DNAH9: variants seen among roughly 807,000 people sequenced by gnomAD.
DNAH9 encodes the protein DNAH9 variant protein.
Under a neutral mutation model 471.6 loss-of-function variants are expected in DNAH9, and 345 were observed. The ratio of observed to expected loss-of-function variants is 0.73; its 90% CI spans 0.67 to 0.80. The LOEUF is 0.80. DNAH9 is among the 30% of genes least tolerant of loss of function. The pLI is 0.00. For missense variants in DNAH9, 5,407 were observed against 5,609.2 expected (o/e 0.96, Z 1.15); for synonymous variants, 2,093 against 2,123.6 (o/e 0.99, Z 0.40).
At chr17:11,609,317 C>G (rs1411901740) in intron 2 of DNAH9, among the ~76,000 whole-genome samples, 2 of 152,154 alleles carry the variant, frequency 1.3e-5, no homozygotes, top group Non-Finnish European at 2.9e-5. Flanking sequence ...AATTGGAAAA[C>G]TTATTGCGGT....
At chr17:11,832,846 T>C (rs1970722526) in intron 48 of DNAH9, among the ~76,000 whole-genome samples, 1 of 152,212 alleles carries the variant, frequency 6.6e-6, no homozygotes, top group Admixed American at 6.5e-5. Context: ...GTAAAGTTTA[T>C]GGGCCGTATT....
intron 67 of DNAH9, among the ~76,000 whole-genome samples, chr17:11,948,764 C>T (rs112722488): frequency 2.4e-4 from 36 of 152,318 alleles, no homozygotes; most frequent in African/African-American, 7.9e-4. Context: ...CTTCCCATGT[C>T]CTCAGCTCCC....
rs541910389 is a variant in DNAH9 at position 11,883,895 on chromosome 17, A to G, written c.10971+145A>G. On this transcript the variant is annotated intron_variant, in intron 56 of 68. Transcript: ENST00000262442. ...CTGTCTTAGCAAGGTTCTTCTAGAA[A>G]GTCTACCTAGGCAGGACTCCTGAAG... The G allele has an allele frequency of 2.2e-5, 20 of 929,352 alleles. No individual in the cohort carries two copies. In the South Asian group the frequency reaches 3.4e-4, roughly 16 times the overall value. The allele number at this position is 929,352 out of a possible 1,614,324, so 57.6% of individuals were successfully genotyped here.
At chr17:11,678,695 T>C (rs187810117) in intron 17 of DNAH9, among the ~76,000 whole-genome samples, 1 of 152,202 alleles carries the variant, frequency 6.6e-6, no homozygotes, top group Non-Finnish European at 1.5e-5. Context: ...TGTAGTTTCA[T>C]AGTGAAGTGT....
At chr17:11,677,769 C>A (rs2074070872) in intron 17 of DNAH9, among the ~76,000 whole-genome samples, 1 of 151,578 alleles carries the variant, frequency 6.6e-6, no homozygotes, top group South Asian at 2.1e-4. Flanking sequence ...TTCCTTATTC[C>A]ATTTTTTCCT....
chr17:11,719,025 C>T (rs2075010618), intron 26 of DNAH9, among the ~76,000 whole-genome samples: 2 of 152,024 alleles, frequency 1.3e-5, no homozygotes, highest in Admixed American at 1.3e-4. Context: ...ATGAACGGAG[C>T]TCTATATGGC....
intron 1 of DNAH9, among the ~76,000 whole-genome samples, chr17:11,605,561 C>T (rs548753428): frequency 1.1e-4 from 16 of 152,082 alleles, no homozygotes; most frequent in South Asian, 1.0e-3. Context: ...TACAGTGGCA[C>T]GATTTCAGCT....
At chr17:11,922,160 C>T (rs1056299641) in intron 61 of DNAH9, among the ~76,000 whole-genome samples, 3 of 152,184 alleles carry the variant, frequency 2.0e-5, no homozygotes, top group Non-Finnish European at 1.5e-5. Flanking sequence ...CATCATCTTG[C>T]GTTGTCCTGT....
intron 43 of DNAH9, among the ~76,000 whole-genome samples, chr17:11,805,145 C>T (rs894494104): frequency 2.6e-5 from 4 of 151,978 alleles, no homozygotes; most frequent in African/African-American, 9.7e-5. Flanking sequence ...GAGCAGCAAG[C>T]GCACCCCACA....
chr17:11,702,961 T>C (rs916114196), intron 24 of DNAH9, among the ~76,000 whole-genome samples: 2 of 151,664 alleles, frequency 1.3e-5, no homozygotes, highest in Non-Finnish European at 2.9e-5. Flanking sequence ...GGCGTGGTGG[T>C]GGGCACCTGT....
At chr17:11,685,281 C>T (rs1448551126) in intron 19 of DNAH9, among the ~76,000 whole-genome samples, 1 of 152,008 alleles carries the variant, frequency 6.6e-6, no homozygotes, top group Admixed American at 6.5e-5. Context: ...TGAGGATATT[C>T]TGGGCAAAGG....
At chr17:11,603,997 A>G (rs1203165448) in intron 1 of DNAH9, among the ~76,000 whole-genome samples, 1 of 149,402 alleles carries the variant, frequency 6.7e-6, no homozygotes, top group Non-Finnish European at 1.5e-5. Context: ...GGCTATCACC[A>G]GTGATGGTGC....
intron 14 of DNAH9, among the ~76,000 whole-genome samples, chr17:11,661,084 AT>A (rs2073751791): frequency 6.6e-6 from 1 of 152,146 alleles, no homozygotes; most frequent in Non-Finnish European, 1.5e-5. Context: ...TAAATTTCAC[AT>A]TTATAATTAT....
chr17:11,629,296 T>C lies in DNAH9; in HGVS notation c.1351-121T>C, dbSNP rs9896886. ...CCAGAGTGTGATGTTCCCCTTCCTG[T>C]GTCCATGTGTTCTCACTGTTCAATT... On this transcript the variant is annotated intron_variant, in intron 6 of 68. Coordinates refer to ENST00000262442, the MANE Select transcript of DNAH9 (RefSeq NM_001372.4). 115,137 of 458,424 alleles carry C rather than the reference T, an allele frequency of 0.25. 21,062 individuals carry two copies. Among genetic ancestry groups the C allele is most frequent in the African/African-American group, 0.61 (29,304 of 47,772 alleles). 28.4% of individuals were successfully genotyped at this position (458,424 alleles called of 1,614,324 possible).
At chr17:11,692,536 A>C (rs1201905049) in intron 20 of DNAH9, among the ~76,000 whole-genome samples, 2 of 152,182 alleles carry the variant, frequency 1.3e-5, no homozygotes, top group Non-Finnish European at 2.9e-5. Flanking sequence ...AAACTTTTGC[A>C]GGGGTCCAGA....
chr17:11,623,689 G>C lies in DNAH9; in HGVS notation c.1350+3908G>C, dbSNP rs1456704386. On this transcript the variant is annotated intron_variant, in intron 6 of 68. Transcript: ENST00000262442. The surrounding 1 kb of genome is among the most constrained non-coding windows in gnomAD (Gnocchi z 4.1). ...GGATTAATCTGCTCCTCTCCAGTAA[G>C]AATTATCATGAACTTAGCCTTATTC... Among the ~76,000 whole-genome samples the C allele has an allele frequency of 1.3e-5, 2 of 152,114 alleles. No homozygotes were observed. Among genetic ancestry groups the C allele is most frequent in the East Asian group, 3.9e-4 (2 of 5,192 alleles).
Position 11,822,637 on chromosome 17 carries a change from C to G in DNAH9, c.9012+38C>G, listed in dbSNP as rs150753313. On this transcript the variant is annotated intron_variant, in intron 47 of 68. Transcript: ENST00000262442. The stretch of plus-strand genomic sequence containing the variant: ...AGGAGACACTCCTAAAAGTCCTTCC[C>G]AGATGAGGGTACAATGAATTCCCTG... 58 of 1,610,596 alleles carry G rather than the reference C, an allele frequency of 3.6e-5. No homozygotes were observed. In the East Asian group the frequency reaches 1.3e-3, roughly 35 times the overall value.
At chr17:11,703,090 CAA>C (rs535913798) in intron 24 of DNAH9, among the ~76,000 whole-genome samples, 11 of 87,812 alleles carry the variant, frequency 1.3e-4, no homozygotes, top group Admixed American at 3.5e-4. Flanking sequence ...GAGACTGTCT[CAA>C]AAAAAAAAAA....
intron 60 of DNAH9, among the ~76,000 whole-genome samples, chr17:11,903,751 A>C (rs1256161001): frequency 6.6e-6 from 1 of 152,190 alleles, no homozygotes; most frequent in Non-Finnish European, 1.5e-5. Flanking sequence ...CCTACTAAAA[A>C]TACAGAAAAA....
Sources: gnomAD v4.1 joint callset for allele counts (sites outside exome capture counted in the v4.1 genomes callset) on GRCh38, gnomAD v4.1.1 for gene constraint, Gnocchi (gnomAD v3.1) non-coding constraint, MANE v1.5 for transcripts, NCBI Gene and HGNC (gene_info 2026-07-23, HGNC 2026-07-21) for gene names.